The following XPNPEP3 variants were observed in gnomAD, a reference collection of about 807,000 sequenced individuals.
The protein encoded by XPNPEP3 is X-prolyl aminopeptidase 3.
Under a neutral mutation model 60.0 loss-of-function variants are expected in XPNPEP3, and 41 were observed. The ratio of observed to expected loss-of-function variants is 0.68; its 90% confidence interval spans 0.53 to 0.89. The LOEUF (loss-of-function observed/expected upper bound fraction) is 0.89. Among genes scored for constraint, XPNPEP3 ranks in the 40% least tolerant of loss-of-function variants. The probability of loss-of-function intolerance (pLI) is 0.00; values close to 1 mark genes in which losing one functional copy is unlikely to be tolerated. For missense variants in XPNPEP3, 598 were observed against 638.9 expected (o/e 0.94, Z 0.69); for synonymous variants, 212 against 223.2 (o/e 0.95, Z 0.45).
At chr22:40,859,731 T>C (rs1295040518) in intron 1 of XPNPEP3, 1 of 152,212 alleles carries the variant, frequency 6.6e-6, no homozygotes, top group African/African-American at 2.4e-5. Flanking sequence ...GCAGATATTA[T>C]AATTTTTTTC....
At chr22:40,874,775 A>G (rs999668515) in intron 2 of XPNPEP3, among the ~76,000 whole-genome samples, 50 of 152,220 alleles carry the variant, frequency 3.3e-4, no homozygotes, top group African/African-American at 1.2e-3. Flanking sequence ...ATACACCACT[A>G]ACCTAGTGGG....
At chr22:40,884,604 G>T (rs993684299) in intron 3 of XPNPEP3, among the ~76,000 whole-genome samples, 4 of 151,608 alleles carry the variant, frequency 2.6e-5, no homozygotes, top group African/African-American at 9.7e-5. Context: ...AGGGTGCTGG[G>T]ATTACAGGCG....
At chr22:40,862,998 G>T (rs2057959443) in intron 1 of XPNPEP3, among the ~76,000 whole-genome samples, 1 of 152,224 alleles carries the variant, frequency 6.6e-6, no homozygotes, top group Admixed American at 6.5e-5. Flanking sequence ...GAAGGCTTCT[G>T]AGGAGATGAC....
rs571852956 is a variant in XPNPEP3, at chr22:40,909,800, T to A, written c.969+565T>A. ...AATAAATAAATAAATAAATAAATAT[T>A]TAAATATTTAAATATTTAAAAACCT... On this transcript the variant is annotated intron_variant, in intron 6 of 9. Coordinates refer to ENST00000357137, the MANE Select transcript of XPNPEP3 (RefSeq NM_022098.4). Among the ~76,000 whole-genome samples the A allele has an allele frequency of 2.5e-4, 37 of 150,888 alleles. No homozygotes were observed. In the South Asian group the frequency reaches 6.2e-3, roughly 25 times the overall value.
chr22:40,890,668 C>T (rs1211877150), intron 4 of XPNPEP3, among the ~76,000 whole-genome samples: 1 of 148,564 alleles, frequency 6.7e-6, no homozygotes, highest in African/African-American at 2.5e-5. Context: ...GGAGTTCAAG[C>T]CCAGCCTGGG....
chr22:40,905,319 A>T (rs775925746), intron 4 of XPNPEP3, among the ~76,000 whole-genome samples: 6 of 151,596 alleles, frequency 4.0e-5, no homozygotes, highest in Non-Finnish European at 8.8e-5. Context: ...CCACCTCGTG[A>T]ACCACCGCCT....
chr22:40,890,338 A>G (rs1484161101), intron 4 of XPNPEP3, among the ~76,000 whole-genome samples: 1 of 152,042 alleles, frequency 6.6e-6, no homozygotes, highest in Non-Finnish European at 1.5e-5. Context: ...ACTTAAGCTT[A>G]GGAGTTCAAG....
chr22:40,866,360 A>T (rs2057978694), intron 1 of XPNPEP3, among the ~76,000 whole-genome samples: 1 of 151,966 alleles, frequency 6.6e-6, no homozygotes, highest in African/African-American at 2.4e-5. Flanking sequence ...TGGGGAAGAC[A>T]TCTGAAACAA....
At chr22:40,872,886 CAT>C (rs1301846814) in intron 2 of XPNPEP3, among the ~76,000 whole-genome samples, 2 of 152,020 alleles carry the variant, frequency 1.3e-5, no homozygotes, top group African/African-American at 2.4e-5. Flanking sequence ...AACACTGAAA[CAT>C]ATCAGAGAAT....
intron 4 of XPNPEP3, among the ~76,000 whole-genome samples, chr22:40,893,505 CAAAAAA>C (rs764114832): frequency 2.5e-5 from 1 of 40,250 alleles, no homozygotes; most frequent in South Asian, 8.0e-4. Flanking sequence ...AACTCTATCT[CAAAAAA>C]AAAAAAAAAA....
In XPNPEP3 at chr22:40,908,480, T is replaced by C. The variant is rs553172789; in HGVS notation, c.856-642T>C. On this transcript the variant is annotated intron_variant, in intron 5 of 9. Coordinates refer to ENST00000357137, the MANE Select transcript of XPNPEP3 (RefSeq NM_022098.4). ...CTATAGTGAACTATGATTGCCCCAC[T>C]GCACTCCAGCCTGGGTGACAGCAAT... Among the ~76,000 whole-genome samples, 109 of 152,300 alleles carry C rather than the reference T, an allele frequency of 7.2e-4. No individual in the cohort carries two copies. In the Middle Eastern group the frequency reaches 0.014, roughly 19 times the overall value.
chr22:40,891,766 C>G (rs974775563), intron 4 of XPNPEP3, among the ~76,000 whole-genome samples: 2 of 152,126 alleles, frequency 1.3e-5, no homozygotes, highest in African/African-American at 4.8e-5. Context: ...TAAAGTTTGT[C>G]CAGGATCCAC....
At chr22:40,920,453 T>C (rs1371536418) in intron 7 of XPNPEP3, among the ~76,000 whole-genome samples, 2 of 152,134 alleles carry the variant, frequency 1.3e-5, no homozygotes, top group Non-Finnish European at 2.9e-5. Context: ...CCAAAATCTA[T>C]AGGGCAGACT....
chr22:40,862,605 C>T, intron 1 of XPNPEP3: 3 of 985,480 alleles, frequency 3.0e-6, no homozygotes, highest in Non-Finnish European at 3.6e-6. Context: ...ATATGAGAGA[C>T]AGCTCAGGCT....
chr22:40,901,493 C>G lies in XPNPEP3; in HGVS notation c.793-6094C>G, dbSNP rs559025290. Among the ~76,000 whole-genome samples the G allele has an allele frequency of 2.2e-3, 341 of 152,292 alleles. 3 individuals carry two copies. Among genetic ancestry groups the G allele is most frequent in the African/African-American group, 8.0e-3 (334 of 41,574 alleles). On this transcript the variant is annotated intron_variant, in intron 4 of 9. Transcript: ENST00000357137. The stretch of plus-strand genomic sequence containing the variant: ...CAGGTGATCCACCCGCCTCAGCCTC[C>G]CAAAGTGCTGGAATTACAGGCGTGA...
At chr22:40,912,190 T>G (rs1352368105) in intron 6 of XPNPEP3, among the ~76,000 whole-genome samples, 2 of 152,224 alleles carry the variant, frequency 1.3e-5, no homozygotes, top group Non-Finnish European at 2.9e-5. Flanking sequence ...GTGTGATAAA[T>G]ATTCATAGAT....
chr22:40,898,702 C>T (rs1389893599), intron 4 of XPNPEP3, among the ~76,000 whole-genome samples: 3 of 152,144 alleles, frequency 2.0e-5, no homozygotes, highest in Admixed American at 6.6e-5. Context: ...GATAAAAGAT[C>T]TTAAACTGCC....
At chr22:40,880,560 C>G (rs1294349913) in intron 2 of XPNPEP3, among the ~76,000 whole-genome samples, 1 of 150,406 alleles carries the variant, frequency 6.6e-6, no homozygotes, top group African/African-American at 2.5e-5. Context: ...GATAAGGAGC[C>G]AAACAATGAA....
At chr22:40,858,327 G>A (rs1476395424) in intron 1 of XPNPEP3, among the ~76,000 whole-genome samples, 1 of 151,752 alleles carries the variant, frequency 6.6e-6, no homozygotes, top group Non-Finnish European at 1.5e-5. Flanking sequence ...AGCTGATCTC[G>A]AACTCCTGGC....
Sources: gnomAD v4.1 joint callset for allele counts (sites outside exome capture counted in the v4.1 genomes callset) on GRCh38, gnomAD v4.1.1 for gene constraint, MANE v1.5 for transcripts, NCBI Gene and HGNC (gene_info 2026-07-23, HGNC 2026-07-21) for gene names.